The following GOLGA3 variants were observed in gnomAD, a reference collection of about 807,000 sequenced individuals.
GOLGA3 encodes golgin subfamily A member 3.
A neutral mutation model predicts 169.4 loss-of-function variants in GOLGA3; 75 were observed. That is an observed-to-expected ratio of 0.44 (90% CI 0.37 to 0.54). GOLGA3 has a LOEUF of 0.54. Among genes scored for constraint, GOLGA3 ranks in the 20% least tolerant of loss-of-function variants. The probability of loss-of-function intolerance (pLI) is 0.00; values close to 1 mark genes in which losing one functional copy is unlikely to be tolerated. For synonymous variants in GOLGA3, 824 were observed against 822.4 expected, an observed-to-expected ratio of 1.00 and a Z score of -0.03; for missense variants, 1,899 against 1,930.0, an observed-to-expected ratio of 0.98 and a Z score of 0.30.
chr12:132,804,706 C>G lies in GOLGA3; in HGVS notation c.1597+10G>C. 6.2e-7 allele frequency: 1 copy of G among 1,603,344 alleles called. No homozygotes were observed. Among genetic ancestry groups the G allele is most frequent in the Non-Finnish European group, 8.5e-7 (1 of 1,172,284 alleles). ...CAGGGAGGGGAGGGCGTGGCCAGGG[C>G]CAGCCTCACCTGTGTTGTCCTTGCT... On this transcript the variant is annotated intron_variant, in intron 7 of 23. Coordinates refer to ENST00000450791, the MANE Select transcript of GOLGA3 (RefSeq NM_001389683.1). The surrounding 1 kb of genome is among the most constrained non-coding windows in gnomAD (Gnocchi z 4.1).
chr12:132,790,195 G>C (rs563842579), intron 12 of GOLGA3, among the ~76,000 whole-genome samples: 26 of 152,232 alleles, frequency 1.7e-4, no homozygotes, highest in Non-Finnish European at 3.5e-4. Context: ...TTAGTCGGGC[G>C]TGGTGGCCGG....
At chr12:132,787,146 G>C (rs1422993981) in intron 13 of GOLGA3, among the ~76,000 whole-genome samples, 1 of 151,982 alleles carries the variant, frequency 6.6e-6, no homozygotes, top group Non-Finnish European at 1.5e-5. Context: ...TAGAGACAGG[G>C]TTTCACCATA....
At chr12:132,810,151 G>A (rs1017599542) in intron 4 of GOLGA3, among the ~76,000 whole-genome samples, 4 of 152,164 alleles carry the variant, frequency 2.6e-5, no homozygotes, top group African/African-American at 9.7e-5. Context: ...GGGAGGATGA[G>A]GCAGGAGAAT....
At chr12:132,775,021 G>A (rs1014537004) in intron 22 of GOLGA3, 120 bp downstream of exon 22, 128 of 757,880 alleles carry the variant, frequency 1.7e-4, no homozygotes, top group Admixed American at 5.4e-5. Flanking sequence ...CACAGCAGCT[G>A]CTCAGTGTGG....
At chr12:132,791,358 T>C (rs2046222799) in intron 11 of GOLGA3, 65 bp from the exon 12 acceptor site, 1 of 873,556 alleles carries the variant, frequency 1.1e-6, no homozygotes. Context: ...TCTGCACAGA[T>C]GTTACACTGA....
At chr12:132,806,389 G>A (rs564868873) in intron 6 of GOLGA3, among the ~76,000 whole-genome samples, 1 of 152,202 alleles carries the variant, frequency 6.6e-6, no homozygotes, top group Non-Finnish European at 1.5e-5. Context: ...ACCAGAATTA[G>A]CCTCAAAACA....
At chr12:132,793,730 C>T (rs568377032) in intron 11 of GOLGA3, among the ~76,000 whole-genome samples, 9 of 151,804 alleles carry the variant, frequency 5.9e-5, no homozygotes, top group African/African-American at 1.2e-4. Context: ...ACCCACCACA[C>T]GGGATCTGCA....
intron 8 of GOLGA3, among the ~76,000 whole-genome samples, chr12:132,800,779 C>T (rs1367083037): frequency 1.3e-5 from 2 of 151,476 alleles, no homozygotes; most frequent in Non-Finnish European, 2.9e-5. Flanking sequence ...GGCAACATGG[C>T]AAAACCTTGT....
Position 132,804,718 on chromosome 12 carries a change from G to A in GOLGA3, c.1595C>T (p.Thr532Ile). 6.2e-7 allele frequency: 1 copy of A among 1,611,310 alleles called. No individual in the cohort carries two copies. The highest frequency in any genetic ancestry group is 8.5e-7 in the Non-Finnish European group (1 of 1,177,874). Residue 532 changes from threonine to isoleucine, a missense_variant and splice_region_variant, in exon 7 of 24, where the codon ACA (threonine) becomes ATA (isoleucine). By Grantham distance (89) the Thr-to-Ile change is moderately conservative. Coordinates refer to ENST00000450791, the MANE Select transcript of GOLGA3 (RefSeq NM_001389683.1). This position sits in a 1 kb window ranked among gnomAD's most constrained non-coding sequence, Gnocchi z 4.1. ...GGCGTGGCCAGGGCCAGCCTCACCT[G>A]TGTTGTCCTTGCTGAGCATGCTCCT... ...MQRSMLSKDN[T>I]VHDLRQQMTA...
intron 15 of GOLGA3, among the ~76,000 whole-genome samples, chr12:132,785,249 T>C (rs2045835531): frequency 6.6e-6 from 1 of 152,014 alleles, no homozygotes; most frequent in Non-Finnish European, 1.5e-5. Context: ...CCAAAGAAAA[T>C]GGCAACTGAA....
At chr12:132,786,312 G>C in intron 15 of GOLGA3, 27 bp downstream of exon 15, 1 of 1,493,498 alleles carries the variant, frequency 6.7e-7, no homozygotes, top group Admixed American at 1.8e-5. Context: ...TGGTGACCCT[G>C]GCCGGGGATG....
chr12:132,799,161 C>T (rs565438314), intron 8 of GOLGA3, among the ~76,000 whole-genome samples: 36 of 152,362 alleles, frequency 2.4e-4, no homozygotes, highest in African/African-American at 8.7e-4. Flanking sequence ...GCTCCAGGAC[C>T]TCAGGAGAAG....
intron 13 of GOLGA3, 75 bp downstream of exon 13, chr12:132,788,952 C>CACAGGCCCCGCCCCAAAA: frequency 9.6e-7 from 1 of 1,046,852 alleles, no homozygotes. Context: ...CCGCCCCAGA[C>CACAGGCCCCGCCCCAAAA]ACAGGCCCCA....
At chr12:132,787,945 C>T (rs1332658634) in intron 13 of GOLGA3, among the ~76,000 whole-genome samples, 1 of 151,712 alleles carries the variant, frequency 6.6e-6, no homozygotes, top group African/African-American at 2.4e-5. Context: ...TCCTCAGGAT[C>T]AACTGTGAAC....
At chr12:132,821,720 G>A (rs983189203) in intron 2 of GOLGA3, among the ~76,000 whole-genome samples, 2 of 149,380 alleles carry the variant, frequency 1.3e-5, no homozygotes, top group African/African-American at 4.9e-5. Flanking sequence ...CGGGCGCGGT[G>A]GCGGGCGCCT....
Position 132,807,929 on chromosome 12 carries a change from G to A in GOLGA3, c.1140C>T (p.Asn380=), listed in dbSNP as rs375550232. ...TGTCTCTCCGACTCCGCACCTCCCC[G>A]TTGACCTCCTGCCCCTGGTCTTGGT... ...AEHQDQGQEV[N]GEVRSRRDSI... Residue 380 remains asparagine, a synonymous_variant, in exon 5 of 24, where the codon AAC becomes AAT. Transcript: ENST00000450791. 8 of 1,401,888 alleles carry A rather than the reference G, an allele frequency of 5.7e-6. No homozygotes were observed. The highest frequency in any genetic ancestry group is 8.5e-5 in the East Asian group (2 of 23,480). 86.8% of individuals were successfully genotyped at this position (1,401,888 alleles called of 1,614,324 possible).
chr12:132,786,176 T>C (rs937802849), intron 15 of GOLGA3, among the ~76,000 whole-genome samples, 163 bp downstream of exon 15: 2 of 151,802 alleles, frequency 1.3e-5, no homozygotes, highest in African/African-American at 4.8e-5. Context: ...GCTCAGTCAC[T>C]GTGGGTTCCT....
rs117152320 is a variant in GOLGA3, at chr12:132,796,194, G to T, written c.2127C>A (p.Asp709Glu). Residue 709 changes from aspartate to glutamate, a missense_variant, in exon 11 of 24, where the codon GAC (aspartate) becomes GAA (glutamate). By Grantham distance (45) the Asp-to-Glu change is conservative (BLOSUM62 2). Coordinates refer to ENST00000450791, the MANE Select transcript of GOLGA3 (RefSeq NM_001389683.1). The stretch of plus-strand genomic sequence containing the variant: ...CCTGCTGCAAAGCCTCAAGCTGCTG[G>T]TCTCGCTGGAGTAAAGTCAACTTCA... ...EQVKLTLLQR[D>E]QQLEALQQEH... 9.9e-5 allele frequency: 158 copies of T among 1,596,488 alleles called. No homozygotes were observed. The highest frequency in any genetic ancestry group is 3.4e-4 in the Middle Eastern group (2 of 5,838).
intron 2 of GOLGA3, 152 bp downstream of exon 2, chr12:132,821,844 A>C (rs1449734812): frequency 1.8e-6 from 1 of 559,528 alleles, no homozygotes; most frequent in Admixed American, 3.6e-5. Flanking sequence ...AAAGAGCGAG[A>C]CTCCGTCTCA....
Sources: gnomAD v4.1 joint callset for allele counts (sites outside exome capture counted in the v4.1 genomes callset) on GRCh38, gnomAD v4.1.1 for gene constraint, Gnocchi (gnomAD v3.1) non-coding constraint, MANE v1.5 for transcripts, NCBI Gene and HGNC (gene_info 2026-07-23, HGNC 2026-07-21) for gene names.